Variants in TXLNB observed in about 807,000 individuals in gnomAD.
TXLNB encodes the protein beta-taxilin.
In TXLNB, 37 loss-of-function variants were observed where a neutral mutation model predicts 57.4. The observed-to-expected ratio is 0.64, with a 90% confidence interval of 0.50 to 0.85. TXLNB has a LOEUF of 0.85. Among genes scored for constraint, TXLNB ranks in the 40% least tolerant of loss-of-function variants. TXLNB has a pLI of 0.00. For missense variants in TXLNB, 848 were observed against 825.6 expected (o/e 1.03, Z -0.33); for synonymous variants, 302 against 309.6 (o/e 0.98, Z 0.26).
the TXLNB span, chr6:139,177,162 C>A: frequency 1.4e-6 from 1 of 714,394 alleles, no homozygotes; most frequent in African/African-American, 1.8e-5. This position sits in a 1 kb window ranked among gnomAD's most constrained non-coding sequence, Gnocchi z 4.9. Context: ...TATTACATAT[C>A]TTTTATAGGG....
chr6:139,174,961 GT>G, the TXLNB span, among the ~76,000 whole-genome samples: 1 of 152,134 alleles, frequency 6.6e-6, no homozygotes, highest in African/African-American at 2.4e-5. Context: ...TAGAAAAAAT[GT>G]TATTCAAAAG....
chr6:139,273,866 G>T (rs185043572), intron 3 of TXLNB, among the ~76,000 whole-genome samples: 14 of 152,244 alleles, frequency 9.2e-5, no homozygotes, highest in Admixed American at 2.6e-4. Context: ...GTGATTCTTG[G>T]CATTGAAGAC....
At chr6:139,308,572 A>T in the TXLNB span, among the ~76,000 whole-genome samples, 2 of 152,184 alleles carry the variant, frequency 1.3e-5, no homozygotes, top group Non-Finnish European at 2.9e-5. Flanking sequence ...TTGTTTTCCA[A>T]CCACACTATT....
intron 2 of TXLNB, among the ~76,000 whole-genome samples, chr6:139,278,809 T>G (rs1040129708): frequency 9.9e-5 from 15 of 152,154 alleles, no homozygotes; most frequent in South Asian, 4.1e-4. Flanking sequence ...ATCAAGACCA[T>G]CCTGGCCAAC....
rs1775902898 is a variant in TXLNB, at chr6:139,240,303, CA to C, written c.*2222del. The C allele has an allele frequency of 6.6e-6, 1 of 152,596 alleles. No individual in the cohort carries two copies. Among genetic ancestry groups the C allele is most frequent in the Non-Finnish European group, 1.5e-5 (1 of 68,030 alleles). The allele number at this position is 152,596 out of a possible 1,614,324, so 9.5% of individuals were successfully genotyped here. A position where few individuals can be genotyped will look rare whatever the true frequency, so the allele number is the denominator to read the frequency against. On this transcript the variant is annotated 3_prime_UTR_variant, in exon 10 of 10. Coordinates refer to ENST00000358430, the MANE Select transcript of TXLNB (RefSeq NM_153235.4). ...TCTTTGAATATTAAAATAATTCCCC[CA>C]AAACCTATATTAAGCTTTACAAATT...
downstream of TXLNB, among the ~76,000 whole-genome samples, chr6:139,235,246 G>C (rs1775823231): frequency 1.3e-5 from 2 of 152,130 alleles, no homozygotes; most frequent in African/African-American, 4.8e-5. Flanking sequence ...GGACACCTTA[G>C]CAGACACAGT....
At chr6:139,268,894 A>C (rs1044894826) in intron 4 of TXLNB, 2 of 151,230 alleles carry the variant, frequency 1.3e-5, no homozygotes, top group Non-Finnish European at 3.0e-5. Context: ...TATTAATAAG[A>C]TCTCTCTCTC....
rs953947770 is a variant in TXLNB, at chr6:139,271,836, G to A, written c.517-1210C>T. 6 of 152,328 alleles carry A rather than the reference G, an allele frequency of 3.9e-5. No homozygotes were observed. In the South Asian group the frequency reaches 1.0e-3, roughly 26 times the overall value. The allele number at this position is 152,328 out of a possible 1,614,324, so 9.4% of individuals were successfully genotyped here. ...CCTCCACTGGCCTCAGTTTCTGTAGGGCCCAGATGGTGCTGAAGTCAGGTA... is the reference window on the plus strand; with the variant it reads ...CCTCCACTGGCCTCAGTTTCTGTAGAGCCCAGATGGTGCTGAAGTCAGGTA... On this transcript the variant is annotated intron_variant, in intron 3 of 9. Transcript: ENST00000358430.
the TXLNB span, among the ~76,000 whole-genome samples, chr6:139,205,193 G>A: frequency 2.0e-5 from 3 of 152,302 alleles, no homozygotes; most frequent in South Asian, 6.2e-4. Context: ...CCAAGTCAGG[G>A]CATTACAGCA....
the TXLNB span, among the ~76,000 whole-genome samples, chr6:139,218,403 G>A: frequency 6.6e-6 from 1 of 152,154 alleles, no homozygotes; most frequent in Non-Finnish European, 1.5e-5. Flanking sequence ...GATTTTCCAA[G>A]AGGAAGGCCA....
At chr6:139,199,535 AAGG>A in the TXLNB span, among the ~76,000 whole-genome samples, 4 of 152,224 alleles carry the variant, frequency 2.6e-5, no homozygotes, top group African/African-American at 9.7e-5. Flanking sequence ...CTCCTCTAAA[AAGG>A]AGAAGAACTC....
intron 2 of TXLNB, among the ~76,000 whole-genome samples, chr6:139,278,591 A>G (rs1776960672): frequency 6.6e-6 from 1 of 151,768 alleles, no homozygotes. Flanking sequence ...TGAAGACTAC[A>G]ATCTCAAGTT....
At chr6:139,237,784 A>C (rs117830054), downstream of TXLNB, among the ~76,000 whole-genome samples, 1,949 of 152,264 alleles carry the variant, frequency 0.013, 15 homozygotes, top group Middle Eastern at 0.071. Context: ...ATTGAACATT[A>C]TATCACTTAA....
Position 139,288,595 on chromosome 6 carries a change from C to T in TXLNB, c.305G>A (p.Cys102Tyr), listed in dbSNP as rs918478354. The T allele has an allele frequency of 4.3e-6, 7 of 1,614,116 alleles. No individual in the cohort carries two copies. In the African/African-American group the frequency reaches 9.3e-5, roughly 22 times the overall value. The change falls in exon 2 of 10, where the codon TGT (cysteine) becomes TAT (tyrosine). Residue 102 changes from cysteine to tyrosine, a missense_variant. Cys to Tyr is a radical substitution (Grantham distance 194). Transcript: ENST00000358430. ...TCCAGCCTCTTCAGTTGTTTCCTCA[C>T]AGTCCCCATCCTCGTTGTCAGGTGA... ...AESPDNEDGD[C>Y]EETTEEAGRE...
At chr6:139,185,863 ATCTC>A in the TXLNB span, among the ~76,000 whole-genome samples, 1 of 152,090 alleles carries the variant, frequency 6.6e-6, no homozygotes, top group African/African-American at 2.4e-5. Flanking sequence ...TTACCTGCCT[ATCTC>A]TCTCTTTCCT....
intron 4 of TXLNB, among the ~76,000 whole-genome samples, chr6:139,264,726 A>AT (rs1308600202): frequency 6.6e-6 from 1 of 151,882 alleles, no homozygotes; most frequent in Non-Finnish European, 1.5e-5. Context: ...AGCTCAGCTA[A>AT]TTTTTTTATT....
chr6:139,159,952 T>A, the TXLNB span, among the ~76,000 whole-genome samples: 1 of 152,216 alleles, frequency 6.6e-6, no homozygotes, highest in Non-Finnish European at 1.5e-5. Context: ...CCTCAGTGAA[T>A]GAGGTTGTCA....
the TXLNB span, among the ~76,000 whole-genome samples, chr6:139,231,217 T>A: frequency 6.6e-6 from 1 of 152,212 alleles, no homozygotes; most frequent in Admixed American, 6.5e-5. Context: ...GATCTGGGTA[T>A]CATTTCTAAT....
chr6:139,246,807 G>A (rs12208972), intron 8 of TXLNB, among the ~76,000 whole-genome samples: 4 of 151,792 alleles, frequency 2.6e-5, no homozygotes, highest in Admixed American at 6.6e-5. Context: ...CCAGCTACTC[G>A]GGAGGCTGAG....
Sources: gnomAD v4.1 joint callset for allele counts (sites outside exome capture counted in the v4.1 genomes callset) on GRCh38, gnomAD v4.1.1 for gene constraint, Gnocchi (gnomAD v3.1) non-coding constraint, MANE v1.5 for transcripts, NCBI Gene and HGNC (gene_info 2026-07-23, HGNC 2026-07-21) for gene names.